Variants in MRAP2 observed in about 807,000 individuals in gnomAD.
MRAP2 encodes melanocortin 2 receptor accessory protein 2, also known as melanocortin-2 receptor accessory protein 2.
A neutral mutation model predicts 17.4 loss-of-function variants in MRAP2; 20 were observed. The observed-to-expected ratio is 1.15, with a 90% CI of 0.81 to 1.67. The LOEUF (loss-of-function observed/expected upper bound fraction) is 1.67, where lower values mean the gene tolerates loss of function less well. Among genes scored for constraint, MRAP2 ranks in the 40% most tolerant of loss-of-function variants. The pLI is 0.00. For missense variants in MRAP2, 238 were observed against 240.0 expected, an observed-to-expected ratio of 0.99 and a Z score of 0.05; for synonymous variants, 96 against 88.4, an observed-to-expected ratio of 1.09 and a Z score of -0.48.
At chr6:84,037,898 C>T (rs1008491328) in intron 1 of MRAP2, among the ~76,000 whole-genome samples, 31 of 152,162 alleles carry the variant, frequency 2.0e-4, no homozygotes, top group South Asian at 4.1e-4. Flanking sequence ...CACAGTGCAG[C>T]GGTGTGCTGA....
the MRAP2 span, among the ~76,000 whole-genome samples, chr6:84,142,784 G>A: frequency 2.3e-4 from 35 of 152,056 alleles, no homozygotes; most frequent in Admixed American, 2.1e-3. Context: ...CGTGCAAGTC[G>A]AAGTACAGTA....
intron 3 of MRAP2, among the ~76,000 whole-genome samples, chr6:84,082,591 T>A (rs980001936): frequency 1.3e-5 from 2 of 152,188 alleles, no homozygotes; most frequent in Admixed American, 6.5e-5. Flanking sequence ...TTCTTACTTA[T>A]AACTTCCTCC....
At chr6:84,101,383 C>A in the MRAP2 span, among the ~76,000 whole-genome samples, 1 of 152,108 alleles carries the variant, frequency 6.6e-6, no homozygotes, top group African/African-American at 2.4e-5. Context: ...GGGACAAATA[C>A]AATACAGAAA....
At chr6:84,104,832 C>T in the MRAP2 span, among the ~76,000 whole-genome samples, 1 of 152,134 alleles carries the variant, frequency 6.6e-6, no homozygotes, top group Non-Finnish European at 1.5e-5. Context: ...CACACCACTG[C>T]CCTCCAGCCT....
chr6:84,103,532 A>G, the MRAP2 span, among the ~76,000 whole-genome samples: 1 of 152,216 alleles, frequency 6.6e-6, no homozygotes, highest in Non-Finnish European at 1.5e-5. Flanking sequence ...CTGACAGCCC[A>G]GAGCTGGTGA....
chr6:84,100,453 G>A, the MRAP2 span, among the ~76,000 whole-genome samples: 8 of 151,920 alleles, frequency 5.3e-5, no homozygotes, highest in East Asian at 1.4e-3. Flanking sequence ...ATTTTGTAGA[G>A]ACAGCATTTC....
intron 3 of MRAP2, among the ~76,000 whole-genome samples, chr6:84,073,002 C>T (rs560006427): frequency 3.9e-5 from 6 of 152,274 alleles, no homozygotes; most frequent in East Asian, 1.9e-4. Context: ...CTACCCTCCC[C>T]GCAGCTGCAA....
the MRAP2 span, among the ~76,000 whole-genome samples, chr6:84,111,651 G>A: frequency 1.3e-5 from 2 of 152,206 alleles, no homozygotes; most frequent in East Asian, 3.8e-4. Flanking sequence ...TTGAATAGGA[G>A]TGGTGAGAGA....
At chr6:84,080,135 G>A (rs1410320715) in intron 3 of MRAP2, among the ~76,000 whole-genome samples, 2 of 151,912 alleles carry the variant, frequency 1.3e-5, no homozygotes, top group South Asian at 4.2e-4. Context: ...CCGGGTTCAC[G>A]CCATTCTTCT....
chr6:84,060,294 C>T (rs2099492763), intron 2 of MRAP2, among the ~76,000 whole-genome samples: 2 of 152,144 alleles, frequency 1.3e-5, no homozygotes, highest in South Asian at 4.1e-4. Context: ...CCATGCTTCA[C>T]ATTATTGCTG....
chr6:84,067,602 G>A (rs1157586341), intron 3 of MRAP2, among the ~76,000 whole-genome samples: 3 of 152,108 alleles, frequency 2.0e-5, no homozygotes, highest in African/African-American at 7.2e-5. Flanking sequence ...ATATCGCACT[G>A]TGGCTTTGAT....
chr6:84,068,658 T>TG (rs1346958099), intron 3 of MRAP2, among the ~76,000 whole-genome samples: 7 of 150,178 alleles, frequency 4.7e-5, no homozygotes, highest in Non-Finnish European at 1.0e-4. Context: ...TTTGTGTGTG[T>TG]TTTTTTGCAG....
At chr6:84,058,360 C>T (rs936822158) in intron 2 of MRAP2, among the ~76,000 whole-genome samples, 1 of 152,008 alleles carries the variant, frequency 6.6e-6, no homozygotes, top group Non-Finnish European at 1.5e-5. Context: ...AATGGATTGG[C>T]GGTATGTGTA....
intron 3 of MRAP2, among the ~76,000 whole-genome samples, chr6:84,064,590 C>A (rs1420551997): frequency 2.7e-5 from 4 of 148,402 alleles, no homozygotes; most frequent in Non-Finnish European, 6.1e-5. Flanking sequence ...CGGGTTCACG[C>A]CATTCTCCTG....
At chr6:84,086,596 T>C (rs1488763106) in intron 3 of MRAP2, among the ~76,000 whole-genome samples, 1 of 152,216 alleles carries the variant, frequency 6.6e-6, no homozygotes, top group African/African-American at 2.4e-5. Flanking sequence ...TACTGGACTC[T>C]AAGAGTACAA....
chr6:84,138,302 G>A, the MRAP2 span, among the ~76,000 whole-genome samples: 2 of 152,184 alleles, frequency 1.3e-5, no homozygotes, highest in Non-Finnish European at 2.9e-5. Context: ...TGATTTCTGG[G>A]AGAAGGGAAA....
downstream of MRAP2, among the ~76,000 whole-genome samples, chr6:84,093,113 A>G (rs1428975252): frequency 6.6e-6 from 1 of 152,068 alleles, no homozygotes; most frequent in Non-Finnish European, 1.5e-5. Flanking sequence ...GAATTTTGGG[A>G]GTCTGATAGC....
the MRAP2 span, among the ~76,000 whole-genome samples, chr6:84,120,953 G>A: frequency 2.2e-4 from 33 of 152,044 alleles, no homozygotes; most frequent in Middle Eastern, 3.2e-3. Flanking sequence ...TGCTGTAACT[G>A]TAAAATGTAT....
the MRAP2 span, among the ~76,000 whole-genome samples, chr6:84,096,068 A>C: frequency 6.6e-6 from 1 of 152,130 alleles, no homozygotes; most frequent in South Asian, 2.1e-4. Context: ...CATTTCTAGG[A>C]TCTTTTCCAC....
Sources: gnomAD v4.1 joint callset for allele counts (sites outside exome capture counted in the v4.1 genomes callset) on GRCh38, gnomAD v4.1.1 for gene constraint, MANE v1.5 for transcripts, NCBI Gene and HGNC (gene_info 2026-07-23, HGNC 2026-07-21) for gene names.